The following PDE1C variants were observed in gnomAD, a reference collection of about 807,000 sequenced individuals.
The protein encoded by PDE1C is phosphodiesterase 1C.
PDE1C carries 62 observed loss-of-function variants against 93.1 expected under a neutral mutation model. The observed-to-expected ratio is 0.67, with a 90% CI of 0.54 to 0.82. The LOEUF is 0.82. PDE1C is among the 40% of genes least tolerant of loss of function. The pLI is 0.00. For missense variants in PDE1C, 742 were observed against 884.6 expected, an observed-to-expected ratio of 0.84 and a Z score of 2.04; for synonymous variants, 325 against 310.1, an observed-to-expected ratio of 1.05 and a Z score of -0.50.
chr7:32,078,134 G>A (rs1014112038), intron 3 of PDE1C: 85 of 582,184 alleles, frequency 1.5e-4, no homozygotes, highest in South Asian at 3.7e-4. Context: ...ATAAATCAGC[G>A]GGTTGTTCTT....
Position 32,147,984 on chromosome 7 carries a change from TAAAAAAAA to T in PDE1C, c.308+21793_308+21800del, listed in dbSNP as rs752433564. 5.8e-4 allele frequency among the ~76,000 whole-genome samples: 46 copies of T among 79,724 alleles called. 2 individuals carry two copies. The highest frequency in any genetic ancestry group is 2.3e-3 in the African/African-American group (41 of 17,880). 52.3% of individuals were successfully genotyped at this position (79,724 alleles called of 152,430 possible). ...AACTTGCCTCTCAACCCATTTATGC[TAAAAAAAA>T]AAAAAAAAAAAAAGCCTAACCTTTA... On this transcript the variant is annotated intron_variant, in intron 3 of 18. Transcript: ENST00000396193.
intron 2 of PDE1C, among the ~76,000 whole-genome samples, chr7:32,205,357 C>G (rs1454636140): frequency 6.6e-6 from 1 of 152,170 alleles, no homozygotes; most frequent in Non-Finnish European, 1.5e-5. Flanking sequence ...GGCTGGGCTT[C>G]TGGGTTGGGT....
At chr7:32,125,416 C>T (rs1457660859) in intron 3 of PDE1C, among the ~76,000 whole-genome samples, 3 of 152,094 alleles carry the variant, frequency 2.0e-5, no homozygotes, top group Admixed American at 2.0e-4. Context: ...GATGCATGTA[C>T]ATGTATGTTC....
intron 2 of PDE1C, 96 bp from the exon 3 acceptor site, chr7:31,880,956 C>T (rs1797173618): frequency 1.0e-5 from 8 of 779,152 alleles, no homozygotes; most frequent in African/African-American, 1.8e-5. Flanking sequence ...CGAATATTCT[C>T]ACTTATTCTG....
intron 1 of PDE1C, among the ~76,000 whole-genome samples, chr7:32,274,387 T>TC (rs1562640953): frequency 1.4e-5 from 2 of 143,176 alleles, no homozygotes; most frequent in African/African-American, 5.1e-5. Flanking sequence ...TTTTTTTTTT[T>TC]CTTAAGAAAT....
intron 17 of PDE1C, among the ~76,000 whole-genome samples, chr7:31,755,396 A>G (rs772751469): frequency 1.3e-4 from 20 of 152,134 alleles, no homozygotes; most frequent in Non-Finnish European, 2.6e-4. Context: ...AGTCACTACA[A>G]ATCTAGAAGT....
At chr7:32,248,803 G>A (rs1013591597) in intron 1 of PDE1C, among the ~76,000 whole-genome samples, 2 of 152,206 alleles carry the variant, frequency 1.3e-5, no homozygotes, top group African/African-American at 4.8e-5. Flanking sequence ...ACTTGGAAAA[G>A]AAAACATCTG....
rs116182852 is a variant in PDE1C, at chr7:32,284,422, T to C, written c.85+14229A>G. Among the ~76,000 whole-genome samples the C allele has an allele frequency of 4.3e-3, 655 of 152,322 alleles. 8 individuals are homozygous for C. Among genetic ancestry groups the C allele is most frequent in the African/African-American group, 0.015 (634 of 41,564 alleles). On this transcript the variant is annotated intron_variant, in intron 1 of 18. Coordinates refer to the PDE1C transcript ENST00000396193. Reference sequence around the variant, plus strand: ...AGAGTTGGAAAATTAAGCATAAAACTCTTAGCCTAGTACCTAGTATTCCAA... The same window carrying C: ...AGAGTTGGAAAATTAAGCATAAAACCCTTAGCCTAGTACCTAGTATTCCAA...
intron 2 of PDE1C, among the ~76,000 whole-genome samples, chr7:32,038,272 T>C (rs541033136): frequency 3.9e-5 from 6 of 152,238 alleles, no homozygotes; most frequent in Admixed American, 2.0e-4. Context: ...CCTCCGCCTA[T>C]TGCAGACCCC....
At chr7:31,987,947 A>G (rs572734131) in intron 2 of PDE1C, among the ~76,000 whole-genome samples, 1 of 152,184 alleles carries the variant, frequency 6.6e-6, no homozygotes. Context: ...TGGATGGGCC[A>G]TCGCTGGCTC....
At chr7:31,893,945 C>G (rs1419726694) in intron 2 of PDE1C, among the ~76,000 whole-genome samples, 2 of 152,106 alleles carry the variant, frequency 1.3e-5, no homozygotes, top group Non-Finnish European at 2.9e-5. Flanking sequence ...TGGGAACATA[C>G]TTTGTAAGAT....
At chr7:31,779,227 A>G (rs990981044) in intron 16 of PDE1C, among the ~76,000 whole-genome samples, 4 of 152,174 alleles carry the variant, frequency 2.6e-5, no homozygotes, top group Non-Finnish European at 5.9e-5. Context: ...AAAGTGTGGC[A>G]TTCTGCTTTC....
chr7:31,899,500 G>T (rs1799715287), intron 2 of PDE1C, among the ~76,000 whole-genome samples: 2 of 152,064 alleles, frequency 1.3e-5, no homozygotes, highest in Admixed American at 6.6e-5. Context: ...GTGAAAAGCG[G>T]CAGCTGATAG....
intron 1 of PDE1C, among the ~76,000 whole-genome samples, chr7:32,412,843 AT>A (rs1785199152): frequency 6.6e-6 from 1 of 152,216 alleles, no homozygotes; most frequent in African/African-American, 2.4e-5. Context: ...GCACAATAGC[AT>A]TTGTGCTGTA....
At chr7:32,094,644 G>A (rs180984029) in intron 3 of PDE1C, among the ~76,000 whole-genome samples, 4 of 152,204 alleles carry the variant, frequency 2.6e-5, no homozygotes, top group South Asian at 4.1e-4. Context: ...TTCTTTACTC[G>A]TTTGTGCAAG....
the PDE1C span, among the ~76,000 whole-genome samples, chr7:31,699,205 T>C: frequency 1.3e-5 from 2 of 152,164 alleles, no homozygotes; most frequent in East Asian, 1.9e-4. Context: ...ATTACTTCCC[T>C]GGGCAGGATC....
At chr7:32,146,801 A>G (rs1178796337) in intron 3 of PDE1C, among the ~76,000 whole-genome samples, 1 of 152,190 alleles carries the variant, frequency 6.6e-6, no homozygotes, top group Non-Finnish European at 1.5e-5. Flanking sequence ...AGAAAAAATG[A>G]GTTTTTATAG....
chr7:31,879,675 T>C (rs897611323), intron 3 of PDE1C, among the ~76,000 whole-genome samples: 15 of 152,248 alleles, frequency 9.9e-5, no homozygotes, highest in Non-Finnish European at 2.2e-4. Context: ...AAAATTTAAA[T>C]GTCTAAATTC....
chr7:32,146,184 G>A (rs1005488230), intron 3 of PDE1C, among the ~76,000 whole-genome samples: 15 of 152,118 alleles, frequency 9.9e-5, no homozygotes, highest in African/African-American at 3.6e-4. Flanking sequence ...CTGCATTTCT[G>A]TTAACAGCAC....
Sources: gnomAD v4.1 joint callset for allele counts (sites outside exome capture counted in the v4.1 genomes callset) on GRCh38, gnomAD v4.1.1 for gene constraint, MANE v1.5 for transcripts, NCBI Gene and HGNC (gene_info 2026-07-23, HGNC 2026-07-21) for gene names.